DCUN1D1: variants seen among roughly 807,000 people sequenced by gnomAD.
The protein encoded by DCUN1D1 is DCN1-like protein 1.
DCUN1D1 carries 3 observed loss-of-function variants against 39.0 expected under a neutral mutation model. The ratio of observed to expected loss-of-function variants is 0.08; its 90% confidence interval spans 0.04 to 0.20. The LOEUF is 0.20. Ranked by LOEUF, DCUN1D1 falls within the 10% of genes least tolerant of loss-of-function variation. DCUN1D1 has a pLI of 1.00. For missense variants in DCUN1D1, 158 were observed against 302.4 expected (o/e 0.52, Z 3.54); for synonymous variants, 82 against 96.3 (o/e 0.85, Z 0.87).
Position 182,942,421 on chromosome 3 carries a change from G to A in DCUN1D1, c.*2673C>T, listed in dbSNP as rs1212630254. The A allele has an allele frequency of 6.6e-6, 1 of 152,194 alleles. No homozygotes were observed. Among genetic ancestry groups the A allele is most frequent in the East Asian group, 1.9e-4 (1 of 5,190 alleles). 9.4% of individuals were successfully genotyped at this position (152,194 alleles called of 1,614,324 possible). ...CTCTGTTGGTAATATGACAGGGACTGTAAGAAACACAATTGAACTTACAGA... is the reference window on the plus strand; with the variant it reads ...CTCTGTTGGTAATATGACAGGGACTATAAGAAACACAATTGAACTTACAGA... On this transcript the variant is annotated 3_prime_UTR_variant, in exon 7 of 7. Coordinates refer to ENST00000292782, the MANE Select transcript of DCUN1D1 (RefSeq NM_020640.4).
chr3:182,974,477 A>C (rs1341003415), intron 1 of DCUN1D1, among the ~76,000 whole-genome samples: 1 of 151,474 alleles, frequency 6.6e-6, no homozygotes, highest in Non-Finnish European at 1.5e-5. Context: ...GAGGCCAAAA[A>C]AAAAAACCAA....
intron 4 of DCUN1D1, among the ~76,000 whole-genome samples, chr3:182,958,208 C>T (rs1727192830): frequency 6.6e-6 from 1 of 151,454 alleles, no homozygotes; most frequent in Non-Finnish European, 1.5e-5. Flanking sequence ...TTCCTGATAC[C>T]TAACACCAAA....
In DCUN1D1 at chr3:182,944,878, G is replaced by A; in HGVS notation, c.*216C>T. The A allele has an allele frequency of 4.3e-6, 2 of 468,708 alleles. No homozygotes were observed. The highest frequency in any genetic ancestry group is 2.9e-5 in the South Asian group (1 of 33,972). 29.0% of individuals were successfully genotyped at this position (468,708 alleles called of 1,614,324 possible). A position where few individuals can be genotyped will look rare whatever the true frequency, so the allele number is the denominator to read the frequency against. On this transcript the variant is annotated 3_prime_UTR_variant, in exon 7 of 7. Transcript: ENST00000292782. ...AATCCACAATGTTGGAATTATAAAT[G>A]TTTAGAGCGGCCCAGACTAGAAGAC...
rs1287999688 is a variant in DCUN1D1 at position 182,957,945 on chromosome 3, A to AAAC, written c.520+3280_520+3281insGTT. ...AGAGCAAGACCCTGCATCAAAAAAAAAAAAAAAAAAAAAAAACAGAAACAT... is the reference window on the plus strand; with the variant it reads ...AGAGCAAGACCCTGCATCAAAAAAAAAACAAAAAAAAAAAAAAAACAGAAACAT... On this transcript the variant is annotated intron_variant, in intron 4 of 6. Coordinates refer to ENST00000292782, the MANE Select transcript of DCUN1D1 (RefSeq NM_020640.4). Among the ~76,000 whole-genome samples the AAAC allele has an allele frequency of 5.6e-3, 848 of 150,560 alleles. 9 individuals are homozygous for AAAC. The highest frequency in any genetic ancestry group is 0.019 in the African/African-American group (789 of 41,084).
At chr3:182,974,777 C>A (rs2108396395) in intron 1 of DCUN1D1, among the ~76,000 whole-genome samples, 1 of 139,508 alleles carries the variant, frequency 7.2e-6, no homozygotes, top group East Asian at 2.0e-4. Context: ...AAAAAAAAAA[C>A]TAAATCCCAT....
intron 4 of DCUN1D1, among the ~76,000 whole-genome samples, chr3:182,959,371 G>A (rs568897691): frequency 1.6e-4 from 25 of 151,724 alleles, no homozygotes; most frequent in African/African-American, 2.9e-4. Context: ...CTACCTTTCC[G>A]TCACTTCCTC....
intron 4 of DCUN1D1, among the ~76,000 whole-genome samples, chr3:182,948,012 T>C (rs1726505422): frequency 6.6e-6 from 1 of 152,202 alleles, no homozygotes; most frequent in South Asian, 2.1e-4. Flanking sequence ...TAGGGTGCTG[T>C]CCTGTGTACT....
intron 1 of DCUN1D1, among the ~76,000 whole-genome samples, chr3:182,973,274 G>C (rs1326386259): frequency 1.3e-5 from 2 of 152,192 alleles, no homozygotes; most frequent in Admixed American, 6.5e-5. Flanking sequence ...ACCAACGGCT[G>C]CAACAGTGAG....
At chr3:182,953,882 G>C (rs1726882061) in intron 4 of DCUN1D1, among the ~76,000 whole-genome samples, 1 of 152,186 alleles carries the variant, frequency 6.6e-6, no homozygotes, top group Non-Finnish European at 1.5e-5. Flanking sequence ...TACTCCCCAT[G>C]TTATTCTTTC....
Position 182,962,208 on chromosome 3 carries a change from C to G in DCUN1D1, c.390-852G>C, listed in dbSNP as rs962565684. Among the ~76,000 whole-genome samples, 4 of 152,284 alleles carry G rather than the reference C, an allele frequency of 2.6e-5. No homozygotes were observed. In the South Asian group the frequency reaches 8.3e-4, roughly 32 times the overall value. On this transcript the variant is annotated intron_variant, in intron 3 of 6. Transcript: ENST00000292782. ...TGAAACCTGTCCTAGCACAGAAAAT[C>G]CCAGCAAGTTCAGGATGGGCCTGGC...
intron 1 of DCUN1D1, 92 bp downstream of exon 1, chr3:182,980,395 G>C: frequency 2.1e-6 from 2 of 940,468 alleles, no homozygotes; most frequent in Non-Finnish European, 2.5e-6. Context: ...GGGGCTGCAG[G>C]GTCGCCGCGG....
At chr3:182,978,869 C>A (rs770802366) in intron 1 of DCUN1D1, among the ~76,000 whole-genome samples, 2 of 152,214 alleles carry the variant, frequency 1.3e-5, no homozygotes, top group Non-Finnish European at 2.9e-5. Context: ...ACTCTCCCTA[C>A]GAACCACTTG....
rs772065612 is a variant in DCUN1D1, at chr3:182,947,328, G to A, written c.610C>T (p.His204Tyr). Reference protein sequence around the residue: ...DLWNKFLLEHHKRSIPKDTWN... With the variant: ...DLWNKFLLEHYKRSIPKDTWN... ...GTGTCTTTTGGTATTGATCGTTTAT[G>A]ATGTTCCTATTTAAAAAACAAAAAC... The change falls in exon 6 of 7, where the codon CAT becomes TAT. Residue 204 changes from histidine to tyrosine, a missense_variant. This residue lies in a region of DCUN1D1 where 25 missense variants were observed against 26.3 expected (regional missense o/e 0.95). Transcript: ENST00000292782. 9 of 1,593,696 alleles carry A rather than the reference G, an allele frequency of 5.6e-6. No individual in the cohort carries two copies. Among genetic ancestry groups the A allele is most frequent in the Admixed American group, 3.5e-5 (2 of 56,420 alleles).
chr3:182,961,735 C>T (rs904092395), intron 3 of DCUN1D1, among the ~76,000 whole-genome samples: 4 of 152,096 alleles, frequency 2.6e-5, no homozygotes, highest in Admixed American at 2.0e-4. Context: ...TAATTAATCG[C>T]GTCTACTATC....
At chr3:182,970,721 TATC>T (rs1267077214) in intron 1 of DCUN1D1, among the ~76,000 whole-genome samples, 1 of 152,250 alleles carries the variant, frequency 6.6e-6, no homozygotes, top group African/African-American at 2.4e-5. Flanking sequence ...GTTATGTAAT[TATC>T]ATATTGACAG....
At chr3:182,956,611 G>A (rs946181455) in intron 4 of DCUN1D1, among the ~76,000 whole-genome samples, 3 of 152,148 alleles carry the variant, frequency 2.0e-5, no homozygotes, top group Non-Finnish European at 4.4e-5. Context: ...ACAGATTATC[G>A]TGTTCTTTAA....
At chr3:182,958,059 C>A (rs1329355395) in intron 4 of DCUN1D1, among the ~76,000 whole-genome samples, 1 of 151,582 alleles carries the variant, frequency 6.6e-6, no homozygotes, top group East Asian at 1.9e-4. Context: ...TTGTTTTGGG[C>A]CTTACCTCTT....
intron 1 of DCUN1D1, chr3:182,980,175 C>A (rs1728465303): frequency 3.6e-6 from 2 of 554,676 alleles, no homozygotes; most frequent in Non-Finnish European, 4.6e-6. Context: ...CCCAACGCCT[C>A]CCCCACCCGC....
intron 4 of DCUN1D1, among the ~76,000 whole-genome samples, chr3:182,960,870 T>A (rs1560171580): frequency 6.6e-6 from 1 of 152,214 alleles, no homozygotes; most frequent in Non-Finnish European, 1.5e-5. Context: ...AATCTTATAG[T>A]GCTATTTCTA....
Sources: gnomAD v4.1 joint callset for allele counts (sites outside exome capture counted in the v4.1 genomes callset) on GRCh38, gnomAD v4.1.1 for gene constraint, gnomAD v4.1.1 regional missense constraint, MANE v1.5 for transcripts, NCBI Gene and HGNC (gene_info 2026-07-23, HGNC 2026-07-21) for gene names.